The following EML6 variants were observed in gnomAD, a reference collection of about 807,000 sequenced individuals.
The protein encoded by EML6 is echinoderm microtubule-associated protein-like 6.
A neutral mutation model predicts 240.1 loss-of-function variants in EML6; 154 were observed. That is an observed-to-expected ratio of 0.64 (90% CI 0.56 to 0.73). The LOEUF (loss-of-function observed/expected upper bound fraction) is 0.73, where lower values mean the gene tolerates loss of function less well. Ranked by LOEUF, EML6 falls within the 30% of genes least tolerant of loss-of-function variation. The pLI is 0.00. For missense variants in EML6, 2,964 were observed against 2,474.6 expected (o/e 1.20, Z -4.20); for synonymous variants, 1,148 against 899.0 (o/e 1.28, Z -4.95).
At chr2:54,769,776 G>A (rs186218580) in intron 2 of EML6, among the ~76,000 whole-genome samples, 2 of 152,272 alleles carry the variant, frequency 1.3e-5, no homozygotes, top group African/African-American at 2.4e-5. Flanking sequence ...ACTTTTAAGT[G>A]TGTGATACAG....
At chr2:54,765,432 G>A (rs1332625626) in intron 2 of EML6, among the ~76,000 whole-genome samples, 1 of 151,976 alleles carries the variant, frequency 6.6e-6, no homozygotes, top group African/African-American at 2.4e-5. Flanking sequence ...ACAAACTTAA[G>A]GGCAAACAAA....
rs2104545368 is a variant in EML6 at position 54,964,170 on chromosome 2, G to T, written c.5330+12G>T. On this transcript the variant is annotated intron_variant, in intron 37 of 41. Transcript: ENST00000356458. ...ATCCAAGATATCAGGTACCTAAGTG[G>T]GTGGTCTGGGCATGGAGGAGAAAGG... 1 of 1,550,564 alleles carries T rather than the reference G, an allele frequency of 6.4e-7. No homozygotes were observed.
chr2:54,820,469 C>A lies in EML6; in HGVS notation c.525+7C>A. On this transcript the variant is annotated splice_region_variant and intron_variant, in intron 5 of 41. Coordinates refer to ENST00000356458, the MANE Select transcript of EML6 (RefSeq NM_001039753.4). ...TGGAGTAAAACACATAAAGGTAAAG[C>A]TTTTTGTTTTTTAATTTTGGTACCT... The A allele has an allele frequency of 6.5e-7, 1 of 1,528,132 alleles. No individual in the cohort carries two copies. The allele number at this position is 1,528,132 out of a possible 1,614,324, so 94.7% of individuals were successfully genotyped here. A position where few individuals can be genotyped will look rare whatever the true frequency, so the allele number is the denominator to read the frequency against.
intron 28 of EML6, among the ~76,000 whole-genome samples, chr2:54,929,356 A>T (rs188758311): frequency 6.6e-6 from 1 of 152,226 alleles, no homozygotes; most frequent in African/African-American, 2.4e-5. Flanking sequence ...ATGTGCTGTT[A>T]TAAGTATTGA....
At position 54,844,145 on chromosome 2, in the gene EML6, C is replaced by A; in HGVS notation, c.946C>A (p.Pro316Thr). The change falls in exon 8 of 42, where the codon CCG (proline) becomes ACG (threonine). Residue 316 changes from proline (P) to threonine (T), a missense_variant. By Grantham distance (38) the Pro-to-Thr change is conservative. Coordinates refer to ENST00000356458, the MANE Select transcript of EML6 (RefSeq NM_001039753.4). ...FEVIVRERDK[P>T]MLILQGHCEG... ...AGTGATTGTGCGAGAGCGAGACAAGCCGATGTTGATCCTACAGGGCCACTG... is the reference window on the plus strand; with the variant it reads ...AGTGATTGTGCGAGAGCGAGACAAGACGATGTTGATCCTACAGGGCCACTG... 1.9e-6 allele frequency: 3 copies of A among 1,551,676 alleles called. No homozygotes were observed. The highest frequency in any genetic ancestry group is 2.6e-6 in the Non-Finnish European group (3 of 1,146,978).
intron 2 of EML6, among the ~76,000 whole-genome samples, chr2:54,802,986 G>A (rs2567974): frequency 0.87 from 132,963 of 152,182 alleles, 58,430 homozygotes; most frequent in African/African-American, 0.96. Context: ...CCAGTTCTGG[G>A]AACTTGGGAG....
Position 54,844,156 on chromosome 2 carries a change from C to T in EML6, c.957C>T (p.Ile319=), listed in dbSNP as rs1269381239. The stretch of plus-strand genomic sequence containing the variant: ...GAGAGCGAGACAAGCCGATGTTGAT[C>T]CTACAGGGCCACTGCGAGGGTGAGC... ...IVRERDKPML[I]LQGHCEGELW... is the part of the protein sequence containing the mutation. Residue 319 remains isoleucine (I), a synonymous_variant, in exon 8 of 42, where the codon ATC becomes ATT. Coordinates refer to ENST00000356458, the MANE Select transcript of EML6 (RefSeq NM_001039753.4). The T allele has an allele frequency of 1.9e-6, 3 of 1,551,704 alleles. No homozygotes were observed. The highest frequency in any genetic ancestry group is 2.4e-5 in the East Asian group (1 of 40,916).
chr2:54,953,258 C>G (rs1031429852), intron 31 of EML6, among the ~76,000 whole-genome samples: 2 of 152,152 alleles, frequency 1.3e-5, no homozygotes, highest in Non-Finnish European at 1.5e-5. Context: ...ATTGTTTTCC[C>G]TTGACGCTTC....
At position 54,860,243 on chromosome 2, in the gene EML6, G is replaced by A. The variant is rs60034161; in HGVS notation, c.1825+542G>A. Among the ~76,000 whole-genome samples the A allele has an allele frequency of 6.3e-3, 955 of 152,248 alleles. 15 individuals carry two copies. Among genetic ancestry groups the A allele is most frequent in the African/African-American group, 0.022 (914 of 41,534 alleles). On this transcript the variant is annotated intron_variant, in intron 12 of 41. Transcript: ENST00000356458. ...GTGCCCTAACTCTAGGTTACCCGTG[G>A]ACTGGCTCTTAATTCACCAACTCTG...
intron 2 of EML6, among the ~76,000 whole-genome samples, chr2:54,796,300 T>A (rs911842097): frequency 6.6e-6 from 1 of 152,186 alleles, no homozygotes; most frequent in Non-Finnish European, 1.5e-5. Flanking sequence ...AATTTCCTTA[T>A]TCAGTCTTTA....
chr2:54,905,861 A>G (rs1673303778), intron 24 of EML6, among the ~76,000 whole-genome samples: 2 of 152,316 alleles, frequency 1.3e-5, no homozygotes, highest in South Asian at 4.1e-4. Flanking sequence ...CATGTGTCAG[A>G]ATTTCCTTAC....
chr2:54,854,694 G>C (rs750401341), intron 11 of EML6, among the ~76,000 whole-genome samples: 1 of 152,236 alleles, frequency 6.6e-6, no homozygotes, highest in East Asian at 1.9e-4. Context: ...TTTTGAAGCA[G>C]TGACAGTTAT....
intron 7 of EML6, among the ~76,000 whole-genome samples, chr2:54,838,886 T>C (rs1669294086): frequency 6.6e-6 from 1 of 152,208 alleles, no homozygotes. Context: ...TGATGTGTAT[T>C]TCTCCAGGAA....
intron 25 of EML6, among the ~76,000 whole-genome samples, 193 bp from the exon 26 acceptor site, chr2:54,916,566 C>G (rs1253737275): frequency 6.6e-6 from 1 of 152,184 alleles, no homozygotes; most frequent in South Asian, 2.1e-4. Context: ...GGGTATTTGA[C>G]TGCAGTGTTG....
At chr2:54,907,992 G>T (rs1673439051) in intron 24 of EML6, among the ~76,000 whole-genome samples, 1 of 140,212 alleles carries the variant, frequency 7.1e-6, no homozygotes, top group East Asian at 2.0e-4. Flanking sequence ...TAGATAGATA[G>T]ATAGATAGAT....
At chr2:54,730,902 T>A (rs1683129164) in intron 2 of EML6, among the ~76,000 whole-genome samples, 1 of 152,188 alleles carries the variant, frequency 6.6e-6, no homozygotes, top group Non-Finnish European at 1.5e-5. Context: ...GCCTCGAAGC[T>A]TACTTTCTGA....
In EML6 at chr2:54,844,183, C is replaced by G. The variant is rs551335770; in HGVS notation, c.984C>G (p.Leu328=). Residue 328 remains leucine, a synonymous_variant, in exon 8 of 42, where the codon CTC becomes CTG. Coordinates refer to ENST00000356458, the MANE Select transcript of EML6 (RefSeq NM_001039753.4). ...LILQGHCEGE[L]WALALHPKKP... is the part of the protein sequence containing the mutation. ...TACAGGGCCACTGCGAGGGTGAGCT[C>G]TGGGCTCTGGCCCTGCACCCCAAGA... 1 of 1,551,710 alleles carries G rather than the reference C, an allele frequency of 6.4e-7. No individual in the cohort carries two copies. The highest frequency in any genetic ancestry group is 2.0e-5 in the Admixed American group (1 of 51,004).
chr2:54,802,935 C>T (rs946573652), intron 2 of EML6, among the ~76,000 whole-genome samples: 6 of 152,100 alleles, frequency 3.9e-5, no homozygotes, highest in Admixed American at 6.5e-5. Context: ...ATCCAAACTG[C>T]GCAGAATTGA....
intron 38 of EML6, 94 bp from the exon 39 acceptor site, chr2:54,966,906 A>G (rs1676773263): frequency 6.5e-6 from 5 of 764,978 alleles, no homozygotes; most frequent in Admixed American, 2.5e-5. Flanking sequence ...CTAGGGATGC[A>G]GAGGCTGGGC....
Sources: allele counts gnomAD v4.1 joint callset (sites outside exome capture counted in the v4.1 genomes callset), GRCh38; gene constraint gnomAD v4.1.1; transcripts MANE v1.5; gene names NCBI Gene and HGNC (gene_info 2026-07-23, HGNC 2026-07-21).